The following CHRNA7 variants were observed in gnomAD, a reference collection of about 807,000 sequenced individuals.
The protein encoded by CHRNA7 is cholinergic receptor nicotinic alpha 7 subunit, also known as neuronal acetylcholine receptor subunit alpha-7.
CHRNA7 carries 17 observed loss-of-function variants against 48.0 expected under a neutral mutation model. That is an observed-to-expected ratio of 0.35 (90% CI 0.24 to 0.53). The LOEUF (loss-of-function observed/expected upper bound fraction) is 0.53, where lower values mean the gene tolerates loss of function less well. Ranked by LOEUF, CHRNA7 falls within the 20% of genes least tolerant of loss-of-function variation. The pLI is 0.92. For missense variants in CHRNA7, 155 were observed against 577.7 expected (o/e 0.27, Z 7.50); for synonymous variants, 75 against 242.3 (o/e 0.31, Z 6.41).
At chr15:32,125,797 TC>T (rs1359492583) in intron 4 of CHRNA7, among the ~76,000 whole-genome samples, 3 of 152,068 alleles carry the variant, frequency 2.0e-5, no homozygotes, top group African/African-American at 7.2e-5. Context: ...TCATACATGG[TC>T]CCCCTGGATC....
chr15:32,127,112 A>G (rs1462746628), intron 4 of CHRNA7, among the ~76,000 whole-genome samples: 1 of 152,138 alleles, frequency 6.6e-6, no homozygotes, highest in Non-Finnish European at 1.5e-5. Flanking sequence ...GTGGCATTTC[A>G]AGAATATTTT....
At chr15:32,052,953 A>G (rs1293252304) in intron 2 of CHRNA7, among the ~76,000 whole-genome samples, 5 of 152,170 alleles carry the variant, frequency 3.3e-5, no homozygotes, top group African/African-American at 7.2e-5. Context: ...ATCATTACAC[A>G]TTGTCTGTGG....
chr15:32,141,913 T>C (rs1279844443), intron 4 of CHRNA7, among the ~76,000 whole-genome samples: 1 of 152,216 alleles, frequency 6.6e-6, no homozygotes, highest in African/African-American at 2.4e-5. Context: ...ACCCTTTATT[T>C]CTTTCTCTTG....
chr15:32,091,379 A>G (rs1162250850), intron 2 of CHRNA7, among the ~76,000 whole-genome samples: 1 of 151,828 alleles, frequency 6.6e-6, no homozygotes, highest in Non-Finnish European at 1.5e-5. Context: ...GTGGTTTGCT[A>G]ATTTGTTTGT....
chr15:32,086,749 G>A (rs975140231), intron 2 of CHRNA7, among the ~76,000 whole-genome samples: 7 of 152,078 alleles, frequency 4.6e-5, no homozygotes, highest in African/African-American at 1.7e-4. Context: ...GTAGGGCACT[G>A]GTCAGATATT....
intron 2 of CHRNA7, among the ~76,000 whole-genome samples, chr15:32,036,475 TAA>T (rs1332919947): frequency 1.3e-5 from 2 of 152,214 alleles, no homozygotes; most frequent in Non-Finnish European, 2.9e-5. Flanking sequence ...GTTCGTATGC[TAA>T]GAGTATGTTT....
At chr15:32,109,545 T>C (rs2050727966) in intron 3 of CHRNA7, among the ~76,000 whole-genome samples, 1 of 152,144 alleles carries the variant, frequency 6.6e-6, no homozygotes, top group African/African-American at 2.4e-5. Context: ...ATGGTCAGCC[T>C]GGTTTGGGGC....
intron 2 of CHRNA7, among the ~76,000 whole-genome samples, chr15:32,046,985 T>A (rs1352811479): frequency 6.6e-6 from 1 of 151,256 alleles, no homozygotes; most frequent in Non-Finnish European, 1.5e-5. Flanking sequence ...GTTGTAGATA[T>A]GCGGCGTTAT....
chr15:32,034,148 T>C (rs894233688), intron 2 of CHRNA7, among the ~76,000 whole-genome samples: 1 of 152,212 alleles, frequency 6.6e-6, no homozygotes, highest in African/African-American at 2.4e-5. Flanking sequence ...TGTGTTCAAC[T>C]AGAGCAGCTG....
chr15:32,064,784 A>G (rs1263463902), intron 2 of CHRNA7, among the ~76,000 whole-genome samples: 2 of 152,116 alleles, frequency 1.3e-5, no homozygotes, highest in East Asian at 1.9e-4. Context: ...TGTTGTCAGT[A>G]TGCATCTGTG....
chr15:32,064,533 G>A (rs1318173986), intron 2 of CHRNA7, among the ~76,000 whole-genome samples: 1 of 151,790 alleles, frequency 6.6e-6, no homozygotes, highest in Non-Finnish European at 1.5e-5. Flanking sequence ...CAGGCAGGGG[G>A]TTCCCATATG....
intron 4 of CHRNA7, among the ~76,000 whole-genome samples, chr15:32,144,718 G>C (rs536930080): frequency 6.6e-6 from 1 of 152,256 alleles, no homozygotes; most frequent in African/African-American, 2.4e-5. Flanking sequence ...GGCTATTGAA[G>C]CTTGTGCATG....
chr15:32,112,180 A>G (rs1018013093), intron 4 of CHRNA7: 5 of 575,350 alleles, frequency 8.7e-6, no homozygotes, highest in Middle Eastern at 2.7e-4. Context: ...GTTTCTGTGC[A>G]TATTGGCACA....
At chr15:32,133,739 A>G (rs1019398627) in intron 4 of CHRNA7, among the ~76,000 whole-genome samples, 5 of 152,216 alleles carry the variant, frequency 3.3e-5, no homozygotes, top group African/African-American at 9.6e-5. Flanking sequence ...TGATATGTCC[A>G]GCAGAACCCA....
At chr15:32,109,744 A>AC (rs1004480329) in intron 3 of CHRNA7, among the ~76,000 whole-genome samples, 55 of 151,868 alleles carry the variant, frequency 3.6e-4, no homozygotes, top group East Asian at 9.7e-4. Flanking sequence ...CATATCACTG[A>AC]CCCCCCCGAA....
chr15:32,137,048 A>AT (rs2051280289), intron 4 of CHRNA7, among the ~76,000 whole-genome samples: 1 of 146,094 alleles, frequency 6.8e-6, no homozygotes, highest in Non-Finnish European at 1.5e-5. Context: ...AAAAAAAAAG[A>AT]AAAAAAAAAG....
chr15:32,074,250 T>G (rs975238049), intron 2 of CHRNA7, among the ~76,000 whole-genome samples: 2 of 150,696 alleles, frequency 1.3e-5, no homozygotes, highest in African/African-American at 4.9e-5. Context: ...CAGACAATTA[T>G]GTCTTCTGCA....
intron 2 of CHRNA7, among the ~76,000 whole-genome samples, chr15:32,084,886 G>A (rs1052005453): frequency 2.0e-5 from 3 of 150,722 alleles, no homozygotes; most frequent in Admixed American, 6.6e-5. Flanking sequence ...AGGCTGGAGT[G>A]TAACGGCACG....
At chr15:32,031,669 T>C (rs1487798387) in intron 2 of CHRNA7, among the ~76,000 whole-genome samples, 2 of 152,262 alleles carry the variant, frequency 1.3e-5, no homozygotes, top group Non-Finnish European at 2.9e-5. Context: ...TCCAGGCAGC[T>C]GCCATCAGTT....
Sources: gnomAD v4.1 joint callset for allele counts (sites outside exome capture counted in the v4.1 genomes callset) on GRCh38, gnomAD v4.1.1 for gene constraint, MANE v1.5 for transcripts, NCBI Gene and HGNC (gene_info 2026-07-23, HGNC 2026-07-21) for gene names.